Variants in KPNA7 observed in about 807,000 individuals in gnomAD.
The protein encoded by KPNA7 is karyopherin subunit alpha 7, also known as importin subunit alpha-8.
In KPNA7, 54 loss-of-function variants were observed where a neutral mutation model predicts 53.7. The observed-to-expected ratio is 1.01, with a 90% CI of 0.81 to 1.26. The LOEUF is 1.26. KPNA7 is among the 50% of genes most tolerant of loss of function. The pLI is 0.00. For missense variants in KPNA7, 640 were observed against 644.5 expected (o/e 0.99, Z 0.07); for synonymous variants, 276 against 259.3 (o/e 1.06, Z -0.62).
At chr7:99,201,182 C>T (rs778514597) in intron 3 of KPNA7, among the ~76,000 whole-genome samples, 5 of 152,074 alleles carry the variant, frequency 3.3e-5, no homozygotes, top group African/African-American at 1.2e-4. Context: ...CTAGTGTTTG[C>T]AGAGACGGTG....
At chr7:99,208,349 G>A (rs942899467), upstream of KPNA7, among the ~76,000 whole-genome samples, 8 of 152,104 alleles carry the variant, frequency 5.3e-5, no homozygotes, top group East Asian at 1.9e-4. Context: ...TCCGCCTCCC[G>A]GGTTCACGCC....
chr7:99,204,912 T>C (rs1420151551), intron 2 of KPNA7, among the ~76,000 whole-genome samples: 1 of 152,052 alleles, frequency 6.6e-6, no homozygotes, highest in African/African-American at 2.4e-5. Context: ...TATGGCAAGG[T>C]AGGAACACAT....
the KPNA7 span, among the ~76,000 whole-genome samples, chr7:99,161,259 CT>C: frequency 7.7e-4 from 45 of 58,812 alleles, 1 homozygote; most frequent in African/African-American, 2.2e-3. Flanking sequence ...CTCTCTCTCT[CT>C]CTCTCTCTCT....
At chr7:99,207,923 C>T (rs182175454) in intron 1 of KPNA7, among the ~76,000 whole-genome samples, 105 bp downstream of exon 1, 2 of 151,912 alleles carry the variant, frequency 1.3e-5, no homozygotes, top group South Asian at 2.1e-4. Context: ...CATGAGCCAC[C>T]GCTCCCAGCC....
At chr7:99,176,669 G>C (rs1335414961) in intron 10 of KPNA7, among the ~76,000 whole-genome samples, 1 of 152,120 alleles carries the variant, frequency 6.6e-6, no homozygotes, top group Non-Finnish European at 1.5e-5. Context: ...GAGCTCAGGA[G>C]TTTTAGACCA....
At chr7:99,182,684 G>T (rs1043338600) in intron 8 of KPNA7, among the ~76,000 whole-genome samples, 1 of 152,158 alleles carries the variant, frequency 6.6e-6, no homozygotes, top group African/African-American at 2.4e-5. Flanking sequence ...AGCCAAGAAG[G>T]CAGGAGACTC....
intron 3 of KPNA7, among the ~76,000 whole-genome samples, chr7:99,201,927 C>T (rs1390923757): frequency 4.0e-5 from 6 of 151,896 alleles, no homozygotes; most frequent in Non-Finnish European, 8.8e-5. Flanking sequence ...AGGCTGGTCT[C>T]GAACTCCTGA....
chr7:99,152,286 CCA>C, the KPNA7 span, among the ~76,000 whole-genome samples: 34 of 151,618 alleles, frequency 2.2e-4, no homozygotes, highest in African/African-American at 8.0e-4. Context: ...TGCTTGAACC[CCA>C]GAGGCAGAAG....
upstream of KPNA7, among the ~76,000 whole-genome samples, chr7:99,212,371 G>A (rs1226610312): frequency 3.4e-5 from 5 of 148,982 alleles, no homozygotes; most frequent in Middle Eastern, 3.5e-3. Flanking sequence ...AGCCTCCCAC[G>A]TAGCTGGGAT....
chr7:99,183,544 A>G (rs1484974953), intron 8 of KPNA7, among the ~76,000 whole-genome samples: 1 of 152,206 alleles, frequency 6.6e-6, no homozygotes, highest in East Asian at 1.9e-4. Context: ...GACCACAAGT[A>G]CTGAACAGAT....
intron 9 of KPNA7, among the ~76,000 whole-genome samples, chr7:99,179,678 A>G (rs192360297): frequency 0.023 from 3,490 of 151,978 alleles, 135 homozygotes; most frequent in African/African-American, 0.081. Context: ...TCCACCACCC[A>G]GGTTCAAGTG....
intron 3 of KPNA7, 53 bp downstream of exon 3, chr7:99,203,053 C>A (rs1464481942): frequency 6.5e-7 from 1 of 1,531,726 alleles, no homozygotes; most frequent in Non-Finnish European, 8.8e-7. Flanking sequence ...CAGCCAGAGA[C>A]ACTTGCTAAG....
At chr7:99,188,191 A>AAAAAAAAAAAAAAAAAC (rs1789724961) in intron 7 of KPNA7, 109 bp downstream of exon 7, 1 of 1,020,108 alleles carries the variant, frequency 9.8e-7, no homozygotes, top group African/African-American at 1.7e-5. Flanking sequence ...AAAAAAAAAA[A>AAAAAAAAAAAAAAAAAC]AAAAAAAGCA....
At chr7:99,200,157 C>G (rs1790437522) in intron 3 of KPNA7, among the ~76,000 whole-genome samples, 1 of 152,236 alleles carries the variant, frequency 6.6e-6, no homozygotes, top group Non-Finnish European at 1.5e-5. Flanking sequence ...TCCGCCTCAG[C>G]CTCCTAATAT....
the KPNA7 span, among the ~76,000 whole-genome samples, chr7:99,164,191 A>G: frequency 6.6e-6 from 1 of 151,466 alleles, no homozygotes; most frequent in Non-Finnish European, 1.5e-5. Flanking sequence ...ATGCACATGT[A>G]TGTTTATTGC....
chr7:99,153,959 C>CT, the KPNA7 span, among the ~76,000 whole-genome samples: 4 of 151,412 alleles, frequency 2.6e-5, no homozygotes, highest in South Asian at 8.4e-4. Context: ...CAGAGAGTCT[C>CT]TAAAAAAAAG....
At chr7:99,188,614 A>C in intron 6 of KPNA7, 51 bp from the exon 7 acceptor site, 1 of 1,524,086 alleles carries the variant, frequency 6.6e-7, no homozygotes, top group Non-Finnish European at 8.9e-7. Flanking sequence ...GAGAAAATGC[A>C]AACAGCAGTG....
At chr7:99,202,983 C>T in intron 3 of KPNA7, 123 bp downstream of exon 3, 5 of 1,195,374 alleles carry the variant, frequency 4.2e-6, no homozygotes, top group East Asian at 2.6e-5. Flanking sequence ...AATCTCTTCA[C>T]TCCTTTCTTT....
At chr7:99,163,183 G>GA in the KPNA7 span, among the ~76,000 whole-genome samples, 72 of 141,724 alleles carry the variant, frequency 5.1e-4, 1 homozygote, top group African/African-American at 6.2e-4. Context: ...CTCTGCCTCA[G>GA]AAAAAAAAAA....
Sources: allele counts gnomAD v4.1 joint callset (sites outside exome capture counted in the v4.1 genomes callset), GRCh38; gene constraint gnomAD v4.1.1; transcripts MANE v1.5; gene names NCBI Gene and HGNC (gene_info 2026-07-23, HGNC 2026-07-21).